The following MGMT variants were observed in gnomAD, a reference collection of about 807,000 sequenced individuals.
MGMT encodes the protein O-6-methylguanine-DNA methyltransferase.
In MGMT, 14 loss-of-function variants were observed where a neutral mutation model predicts 15.9. The ratio of observed to expected loss-of-function variants is 0.88; its 90% confidence interval spans 0.58 to 1.37. The LOEUF (loss-of-function observed/expected upper bound fraction) is 1.37, where lower values mean the gene tolerates loss of function less well. Among genes scored for constraint, MGMT ranks in the 40% most tolerant of loss-of-function variants. The pLI is 0.00. For synonymous variants in MGMT, 130 were observed against 118.2 expected (o/e 1.10, Z -0.65); for missense variants, 282 against 268.1 (o/e 1.05, Z -0.36).
At chr10:129,525,897 C>G (rs1456085480) in intron 1 of MGMT, among the ~76,000 whole-genome samples, 1 of 152,216 alleles carries the variant, frequency 6.6e-6, no homozygotes, top group Non-Finnish European at 1.5e-5. Flanking sequence ...AGGCCCCCAC[C>G]AGGAGGCTTT....
chr10:129,595,004 C>T (rs776654715), intron 2 of MGMT, among the ~76,000 whole-genome samples: 3 of 152,216 alleles, frequency 2.0e-5, no homozygotes, highest in Non-Finnish European at 4.4e-5. Context: ...CCACGTCTCA[C>T]GGTTCACCCC....
At chr10:129,582,767 T>G (rs1307666106) in intron 2 of MGMT, among the ~76,000 whole-genome samples, 1 of 152,186 alleles carries the variant, frequency 6.6e-6, no homozygotes, top group African/African-American at 2.4e-5. Context: ...TCCTGGCTCT[T>G]TAGTGAAAAG....
intron 2 of MGMT, among the ~76,000 whole-genome samples, chr10:129,561,078 G>A (rs368952170): frequency 6.6e-6 from 1 of 151,862 alleles, no homozygotes; most frequent in East Asian, 1.9e-4. Context: ...CCATTGAGAC[G>A]GGCTGGGAAG....
At chr10:129,725,671 T>C (rs1033983) in intron 3 of MGMT, among the ~76,000 whole-genome samples, 84,208 of 152,116 alleles carry the variant, frequency 0.55, 23,532 homozygotes, top group Middle Eastern at 0.71. Flanking sequence ...GTCCATGCTC[T>C]GGGCAGGCTA....
intron 3 of MGMT, among the ~76,000 whole-genome samples, chr10:129,720,544 T>G (rs1277802775): frequency 6.6e-6 from 1 of 152,230 alleles, no homozygotes; most frequent in Non-Finnish European, 1.5e-5. Flanking sequence ...GATACAGTTA[T>G]GGACAAAATG....
At chr10:129,557,606 G>A (rs1846228995) in intron 2 of MGMT, among the ~76,000 whole-genome samples, 1 of 152,128 alleles carries the variant, frequency 6.6e-6, no homozygotes, top group Non-Finnish European at 1.5e-5. Context: ...AGATAATGCA[G>A]AAATCTCTGG....
chr10:129,668,526 G>GTCTA (rs1350259677), intron 2 of MGMT, among the ~76,000 whole-genome samples: 1 of 152,190 alleles, frequency 6.6e-6, no homozygotes, highest in Non-Finnish European at 1.5e-5. Flanking sequence ...TATTCCCCAT[G>GTCTA]TCTATGCAGT....
At chr10:129,741,144 T>C (rs1848627464) in intron 3 of MGMT, among the ~76,000 whole-genome samples, 1 of 152,132 alleles carries the variant, frequency 6.6e-6, no homozygotes, top group African/African-American at 2.4e-5. Context: ...GATTTGACTT[T>C]TGAAAAGTGG....
intron 2 of MGMT, among the ~76,000 whole-genome samples, chr10:129,596,745 G>A (rs1472754488): frequency 6.6e-6 from 1 of 152,200 alleles, no homozygotes; most frequent in African/African-American, 2.4e-5. Flanking sequence ...GATATACTAG[G>A]ACAGCTAGGT....
In MGMT at chr10:129,770,014, T is replaced by C. The variant is rs1848983730; in HGVS notation, c.*3017T>C. ...TTGGGGTTTGTAATTTGTATACACT[T>C]CTTACCCAGCAGAAACAGCTTACTG... On this transcript the variant is annotated 3_prime_UTR_variant, in exon 5 of 5. Coordinates refer to ENST00000651593, the MANE Select transcript of MGMT (RefSeq NM_002412.5). Among the ~76,000 whole-genome samples the C allele has an allele frequency of 6.6e-6, 1 of 152,142 alleles. No individual in the cohort carries two copies. Among genetic ancestry groups the C allele is most frequent in the Non-Finnish European group, 1.5e-5 (1 of 68,042 alleles).
At chr10:129,620,705 CTTTATA>C (rs1417039259) in intron 2 of MGMT, among the ~76,000 whole-genome samples, 5 of 151,954 alleles carry the variant, frequency 3.3e-5, no homozygotes, top group African/African-American at 1.2e-4. Context: ...TGATCTATTT[CTTTATA>C]TTTATAGTGT....
intron 1 of MGMT, among the ~76,000 whole-genome samples, chr10:129,501,288 G>C (rs185503516): frequency 6.6e-6 from 1 of 152,158 alleles, no homozygotes; most frequent in African/African-American, 2.4e-5. Context: ...TGCCTCCTGC[G>C]GGGGTGGGGG....
chr10:129,762,398 A>G (rs528063471), intron 4 of MGMT, among the ~76,000 whole-genome samples: 20 of 152,284 alleles, frequency 1.3e-4, no homozygotes, highest in African/African-American at 4.6e-4. Flanking sequence ...CTCTTCCCCA[A>G]CCGGAGTAAG....
In MGMT at chr10:129,468,607, AG is replaced by A. The variant is rs1283393932; in HGVS notation, c.-13+1313del. 2.6e-5 allele frequency among the ~76,000 whole-genome samples: 4 copies of A among 152,112 alleles called. No homozygotes were observed. In the East Asian group the frequency reaches 7.7e-4, roughly 29 times the overall value. On this transcript the variant is annotated intron_variant, in intron 1 of 4. Transcript: ENST00000651593. ...TCATTAAAAAAAAAAAATCTGGGCC[AG>A]GCACAGTGGGTCACGCCTGTAATCT...
At chr10:129,666,275 C>A (rs893867908) in intron 2 of MGMT, among the ~76,000 whole-genome samples, 1 of 152,168 alleles carries the variant, frequency 6.6e-6, no homozygotes, top group African/African-American at 2.4e-5. Context: ...CATTTGTCAA[C>A]TTTCACGTTT....
intron 2 of MGMT, chr10:129,701,426 T>C (rs1848098396): frequency 6.6e-6 from 1 of 152,182 alleles, no homozygotes; most frequent in Admixed American, 6.5e-5. Flanking sequence ...TATGAAGGAC[T>C]CTTGGCCGAT....
intron 2 of MGMT, among the ~76,000 whole-genome samples, chr10:129,680,850 G>A (rs988990692): frequency 1.3e-5 from 2 of 152,196 alleles, no homozygotes; most frequent in Admixed American, 1.3e-4. Flanking sequence ...GGTGCCGGCC[G>A]TGTCTGATGC....
At chr10:129,521,177 A>G (rs910348945) in intron 1 of MGMT, among the ~76,000 whole-genome samples, 3 of 152,108 alleles carry the variant, frequency 2.0e-5, no homozygotes, top group Non-Finnish European at 4.4e-5. Flanking sequence ...CAGGCCCCGC[A>G]CATCGTCAGA....
chr10:129,518,108 A>G (rs1206792382), intron 1 of MGMT, among the ~76,000 whole-genome samples: 1 of 151,922 alleles, frequency 6.6e-6, no homozygotes, highest in Non-Finnish European at 1.5e-5. Context: ...CACCACTCTC[A>G]CATGGTCTCC....
Sources: gnomAD v4.1 joint callset for allele counts (sites outside exome capture counted in the v4.1 genomes callset) on GRCh38, gnomAD v4.1.1 for gene constraint, MANE v1.5 for transcripts, NCBI Gene and HGNC (gene_info 2026-07-23, HGNC 2026-07-21) for gene names.